The following ERC2 variants were observed in gnomAD, a reference collection of about 807,000 sequenced individuals.
ERC2 encodes the protein ELKS/RAB6-interacting/CAST family member 2.
A neutral mutation model predicts 114.8 loss-of-function variants in ERC2; 42 were observed. The ratio of observed to expected loss-of-function variants is 0.37; its 90% CI spans 0.29 to 0.47. ERC2 has a LOEUF of 0.47. ERC2 is among the 20% of genes least tolerant of loss of function. ERC2 has a pLI of 0.99. For synonymous variants in ERC2, 454 were observed against 425.5 expected (o/e 1.07, Z -0.82); for missense variants, 939 against 1,150.7 (o/e 0.82, Z 2.66).
chr3:56,090,147 C>T (rs377604735), intron 6 of ERC2, among the ~76,000 whole-genome samples: 38 of 152,304 alleles, frequency 2.5e-4, no homozygotes, highest in Non-Finnish European at 4.9e-4. Context: ...AACTCTTTCA[C>T]GTCAATCTCT....
intron 3 of ERC2, among the ~76,000 whole-genome samples, chr3:56,267,206 A>G (rs772943157): frequency 1.1e-4 from 17 of 152,144 alleles, no homozygotes; most frequent in Non-Finnish European, 2.4e-4. Flanking sequence ...CAGATATTGG[A>G]GCATTTCGAA....
chr3:56,448,363 A>C (rs1332611590), intron 1 of ERC2, among the ~76,000 whole-genome samples: 2 of 152,226 alleles, frequency 1.3e-5, no homozygotes, highest in Non-Finnish European at 2.9e-5. Flanking sequence ...GAGCTAACAA[A>C]CTGGTAAACA....
At chr3:55,857,331 G>C (rs528814549) in intron 14 of ERC2, among the ~76,000 whole-genome samples, 2 of 152,218 alleles carry the variant, frequency 1.3e-5, no homozygotes, top group South Asian at 4.2e-4. Context: ...GAGCCAGAAA[G>C]ATACCCGCAT....
intron 17 of ERC2, among the ~76,000 whole-genome samples, chr3:55,550,520 C>T (rs2055092197): frequency 6.6e-6 from 1 of 152,130 alleles, no homozygotes; most frequent in Non-Finnish European, 1.5e-5. Flanking sequence ...TCTCTCCACA[C>T]CCAATGAGAT....
chr3:55,995,758 T>G (rs888902431), intron 10 of ERC2, among the ~76,000 whole-genome samples: 4 of 152,198 alleles, frequency 2.6e-5, no homozygotes, highest in Non-Finnish European at 5.9e-5. Context: ...GAGGATGGGC[T>G]GAAATTTTTA....
At chr3:55,952,198 CTA>C (rs139081238) in intron 12 of ERC2, among the ~76,000 whole-genome samples, 11,054 of 108,556 alleles carry the variant, frequency 0.1, 1,140 homozygotes, top group East Asian at 0.29. Flanking sequence ...CTCTCTCTCT[CTA>C]TATATATATA....
chr3:55,539,868 A>C (rs1165926162), intron 17 of ERC2, among the ~76,000 whole-genome samples: 1 of 152,166 alleles, frequency 6.6e-6, no homozygotes, highest in Non-Finnish European at 1.5e-5. Context: ...TTATTAAAAT[A>C]ATAAAAATAT....
At position 56,155,180 on chromosome 3, in the gene ERC2, G is replaced by C. The variant is rs1348078420; in HGVS notation, c.1150-6048C>G. 2.6e-5 allele frequency among the ~76,000 whole-genome samples: 4 copies of C among 152,118 alleles called. No individual in the cohort carries two copies. The East Asian group carries it at 7.7e-4, about 29-fold the overall frequency. On this transcript the variant is annotated intron_variant, in intron 4 of 17. Transcript: ENST00000288221. ...ACTGCATCTTCGCAACATCCCCATG[G>C]TTTTAATAGAGTTTTAAATTGTGTG...
At chr3:56,079,955 C>T (rs1283840128) in intron 7 of ERC2, among the ~76,000 whole-genome samples, 1 of 152,150 alleles carries the variant, frequency 6.6e-6, no homozygotes, top group African/African-American at 2.4e-5. Flanking sequence ...TGCAGCAGAG[C>T]ACCTGACAAC....
intron 3 of ERC2, among the ~76,000 whole-genome samples, chr3:56,241,213 C>T (rs7626886): frequency 0.23 from 35,452 of 151,970 alleles, 4,876 homozygotes; most frequent in Non-Finnish European, 0.3. Context: ...AACAAAAACC[C>T]CATTAAAGAG....
At chr3:56,150,531 T>C (rs768985948) in intron 4 of ERC2, among the ~76,000 whole-genome samples, 13 of 152,186 alleles carry the variant, frequency 8.5e-5, no homozygotes, top group Non-Finnish European at 1.8e-4. Flanking sequence ...TAAAAAGATT[T>C]TGAAAATTCC....
intron 12 of ERC2, among the ~76,000 whole-genome samples, chr3:55,978,351 G>A (rs780341527): frequency 6.6e-6 from 1 of 152,094 alleles, no homozygotes; most frequent in Non-Finnish European, 1.5e-5. Flanking sequence ...ATTTTTCTAT[G>A]TTCACTTATT....
At chr3:55,864,488 T>C (rs1282832917) in intron 14 of ERC2, among the ~76,000 whole-genome samples, 1 of 152,056 alleles carries the variant, frequency 6.6e-6, no homozygotes, top group Non-Finnish European at 1.5e-5. Flanking sequence ...ATTGCAAAGA[T>C]AACAACCACT....
chr3:55,566,832 A>C (rs1343470129), intron 17 of ERC2, among the ~76,000 whole-genome samples: 1 of 152,052 alleles, frequency 6.6e-6, no homozygotes, highest in East Asian at 1.9e-4. Flanking sequence ...CTGAGCAGTT[A>C]GGATTACAGG....
chr3:56,045,867 T>C (rs916049748), intron 7 of ERC2, among the ~76,000 whole-genome samples: 1 of 152,148 alleles, frequency 6.6e-6, no homozygotes, highest in Admixed American at 6.5e-5. Flanking sequence ...GATCATCATA[T>C]TCCTATCACT....
intron 12 of ERC2, among the ~76,000 whole-genome samples, chr3:55,959,963 C>T (rs2068240670): frequency 6.6e-6 from 1 of 152,180 alleles, no homozygotes; most frequent in Non-Finnish European, 1.5e-5. Flanking sequence ...TGTGGCTCCA[C>T]ATATCCACCT....
rs1480163228 is a variant in ERC2, at chr3:55,985,932, G to C, written c.2267+45C>G. 2.6e-6 allele frequency: 4 copies of C among 1,518,754 alleles called. No individual in the cohort carries two copies. The East Asian group carries it at 9.8e-5, about 37-fold the overall frequency. 94.1% of individuals were successfully genotyped at this position (1,518,754 alleles called of 1,614,324 possible). ...TAAACAAGTGCAAGCCATAAATTGA[G>C]CTTAGGAGGGAAAGGCAGTTAGAAG... On this transcript the variant is annotated intron_variant, in intron 12 of 17. Coordinates refer to ENST00000288221, the MANE Select transcript of ERC2 (RefSeq NM_015576.3).
chr3:56,090,493 T>C (rs1372995489), intron 6 of ERC2, among the ~76,000 whole-genome samples: 2 of 152,232 alleles, frequency 1.3e-5, no homozygotes, highest in Middle Eastern at 3.4e-3. Flanking sequence ...TTGGAGGTAG[T>C]GGAGGTAGAA....
chr3:56,376,739 G>A (rs1192262136), intron 2 of ERC2, among the ~76,000 whole-genome samples: 2 of 147,326 alleles, frequency 1.4e-5, no homozygotes, highest in African/African-American at 5.0e-5. Flanking sequence ...CTCCAGCCTG[G>A]ACAACAGAGC....
Sources: gnomAD v4.1 joint callset for allele counts (sites outside exome capture counted in the v4.1 genomes callset) on GRCh38, gnomAD v4.1.1 for gene constraint, MANE v1.5 for transcripts, NCBI Gene and HGNC (gene_info 2026-07-23, HGNC 2026-07-21) for gene names.